CAMTA1: variants seen among roughly 807,000 people sequenced by gnomAD.
CAMTA1 encodes calmodulin-binding transcription activator 1.
CAMTA1 carries 27 observed loss-of-function variants against 170.9 expected under a neutral mutation model. That is an observed-to-expected ratio of 0.16 (90% CI 0.12 to 0.22). CAMTA1 has a LOEUF of 0.22. CAMTA1 is among the 10% of genes least tolerant of loss of function. The pLI is 1.00. For synonymous variants in CAMTA1, 833 were observed against 891.5 expected (o/e 0.93, Z 1.17); for missense variants, 1,619 against 2,217.2 (o/e 0.73, Z 5.42).
At chr1:6,939,458 G>A (rs1686038757) in intron 3 of CAMTA1, among the ~76,000 whole-genome samples, 1 of 152,216 alleles carries the variant, frequency 6.6e-6, no homozygotes, top group Non-Finnish European at 1.5e-5. Flanking sequence ...CATTGATAAT[G>A]TGTGGACAGG....
intron 6 of CAMTA1, among the ~76,000 whole-genome samples, chr1:7,526,246 A>C (rs1348691613): frequency 2.6e-5 from 4 of 151,940 alleles, no homozygotes; most frequent in Non-Finnish European, 4.4e-5. Context: ...TTCCCACCCC[A>C]GGGGCTCCAG....
Position 7,680,926 on chromosome 1 carries a change from C to T in CAMTA1, c.2914+3193C>T, listed in dbSNP as rs2096197478. ...TGTCCCCGCGGCGCAGCCTTTGTCC[C>T]CGCGGCGTAGCTTTTGTTTGCGCAG... On this transcript the variant is annotated intron_variant, in intron 11 of 22. Coordinates refer to ENST00000303635, the MANE Select transcript of CAMTA1 (RefSeq NM_015215.4). The surrounding 1 kb of genome is among the most constrained non-coding windows in gnomAD (Gnocchi z 4.4). Among the ~76,000 whole-genome samples, 1 of 147,630 alleles carries T rather than the reference C, an allele frequency of 6.8e-6. No homozygotes were observed. The highest frequency in any genetic ancestry group is 1.5e-5 in the Non-Finnish European group (1 of 65,810).
At position 7,736,698 on chromosome 1, in the gene CAMTA1, A is replaced by G. The variant is rs1006133823; in HGVS notation, c.3263+158A>G. 1.3e-5 allele frequency among the ~76,000 whole-genome samples: 2 copies of G among 152,174 alleles called. No individual in the cohort carries two copies. Among genetic ancestry groups the G allele is most frequent in the Non-Finnish European group, 2.9e-5 (2 of 68,022 alleles). On this transcript the variant is annotated intron_variant, in intron 13 of 22. Coordinates refer to ENST00000303635, the MANE Select transcript of CAMTA1 (RefSeq NM_015215.4). This position sits in a 1 kb window ranked among gnomAD's most constrained non-coding sequence, Gnocchi z 4.5. ...CTTGGACAGTTTCCAAGGGAGTTTT[A>G]TAAACTTCTTCCCAAGAAATACCCA...
At chr1:7,751,440 C>G in intron 20 of CAMTA1, 48 bp downstream of exon 20, 1 of 1,477,728 alleles carries the variant, frequency 6.8e-7, no homozygotes, top group East Asian at 2.3e-5. Flanking sequence ...GGGAAGAGAA[C>G]TCTGACTTCT....
At chr1:7,702,982 CACAG>C (rs1241613023) in intron 11 of CAMTA1, among the ~76,000 whole-genome samples, 1 of 152,162 alleles carries the variant, frequency 6.6e-6, no homozygotes, top group Non-Finnish European at 1.5e-5. Context: ...GATATGAAGG[CACAG>C]ACAGTGGAGC....
At chr1:6,809,767 G>T (rs747080424) in intron 1 of CAMTA1, among the ~76,000 whole-genome samples, 5 of 152,232 alleles carry the variant, frequency 3.3e-5, no homozygotes, top group Non-Finnish European at 7.4e-5. Context: ...GGTCGGAGAG[G>T]TAAGGGAACA....
intron 5 of CAMTA1, among the ~76,000 whole-genome samples, chr1:7,449,786 A>AAG (rs1261847902): frequency 1.3e-5 from 2 of 149,452 alleles, no homozygotes; most frequent in Non-Finnish European, 3.0e-5. Context: ...AAAAAAAAAA[A>AAG]AAGAAAGAAA....
At chr1:7,201,192 G>A (rs1025830224) in intron 4 of CAMTA1, among the ~76,000 whole-genome samples, 5 of 152,114 alleles carry the variant, frequency 3.3e-5, no homozygotes, top group African/African-American at 1.2e-4. Context: ...TTAGCATCAT[G>A]TTTTTAAGGT....
intron 3 of CAMTA1, among the ~76,000 whole-genome samples, chr1:6,862,840 CTCTTT>C (rs1665250493): frequency 6.6e-6 from 1 of 152,184 alleles, no homozygotes; most frequent in African/African-American, 2.4e-5. Context: ...TAGAGCGAGG[CTCTTT>C]TCTTTTCCCT....
In CAMTA1 at chr1:7,766,582, C is replaced by A; in HGVS notation, c.*91C>A. 2 of 980,446 alleles carry A rather than the reference C, an allele frequency of 2.0e-6. No homozygotes were observed. Among genetic ancestry groups the A allele is most frequent in the Non-Finnish European group, 3.3e-6 (2 of 609,916 alleles). The allele number at this position is 980,446 out of a possible 1,614,324, so 60.7% of individuals were successfully genotyped here. ...AGCAGAGACATGCAACAACAACACA[C>A]ACGCACACACGCACACACACACACG... On this transcript the variant is annotated 3_prime_UTR_variant, in exon 23 of 23. Transcript: ENST00000303635.
intron 7 of CAMTA1, among the ~76,000 whole-genome samples, chr1:7,652,114 G>A (rs2095852155): frequency 6.7e-6 from 1 of 149,722 alleles, no homozygotes; most frequent in African/African-American, 2.5e-5. Context: ...CACACATCCT[G>A]TACCGTCTGG....
chr1:7,075,958 C>T (rs1393288711), intron 3 of CAMTA1, among the ~76,000 whole-genome samples: 7 of 152,264 alleles, frequency 4.6e-5, no homozygotes, highest in East Asian at 3.9e-4. Context: ...CCACCACGCC[C>T]GGCCCAATCT....
intron 4 of CAMTA1, among the ~76,000 whole-genome samples, chr1:7,235,639 A>C (rs762975053): frequency 6.6e-6 from 1 of 152,180 alleles, no homozygotes; most frequent in Admixed American, 6.5e-5. Context: ...AAAAGAAAAG[A>C]AAAATGAAAG....
intron 6 of CAMTA1, among the ~76,000 whole-genome samples, chr1:7,604,160 G>C (rs11585074): frequency 0.13 from 20,453 of 152,104 alleles, 1,490 homozygotes; most frequent in African/African-American, 0.15. Context: ...AATTATGTGT[G>C]TTGGAGTTGC....
intron 5 of CAMTA1, among the ~76,000 whole-genome samples, chr1:7,428,265 C>A (rs1012367405): frequency 6.6e-6 from 1 of 152,114 alleles, no homozygotes; most frequent in Non-Finnish European, 1.5e-5. Context: ...GAGGGGAAGA[C>A]CTCGTCGGGC....
chr1:7,628,785 CT>C (rs1270184311), intron 6 of CAMTA1, among the ~76,000 whole-genome samples: 1 of 152,270 alleles, frequency 6.6e-6, no homozygotes, highest in African/African-American at 2.4e-5. Context: ...GGCAGCAGGC[CT>C]GGCTTCCAGC....
intron 4 of CAMTA1, among the ~76,000 whole-genome samples, chr1:7,140,978 C>T (rs189101879): frequency 7.2e-5 from 11 of 152,086 alleles, no homozygotes; most frequent in African/African-American, 2.7e-4. Flanking sequence ...TTCTGTCTAC[C>T]GACAGAAGAT....
chr1:7,589,327 T>C (rs6704491), intron 6 of CAMTA1, among the ~76,000 whole-genome samples: 33,593 of 152,184 alleles, frequency 0.22, 5,454 homozygotes, highest in African/African-American at 0.46. Flanking sequence ...CCCCGGCCGC[T>C]GTGGCAGGGT....
chr1:6,930,045 C>A lies in CAMTA1; in HGVS notation c.234+104835C>A, dbSNP rs569287596. On this transcript the variant is annotated intron_variant, in intron 3 of 22. Coordinates refer to ENST00000303635, the MANE Select transcript of CAMTA1 (RefSeq NM_015215.4). The stretch of plus-strand genomic sequence containing the variant: ...CGGGACATGGTGTTTTAGGATGAGC[C>A]TTTGCACCAGGCTGTAAATGCTGTG... Among the ~76,000 whole-genome samples, 71 of 152,304 alleles carry A rather than the reference C, an allele frequency of 4.7e-4. 1 individual carries two copies. Among genetic ancestry groups the A allele is most frequent in the African/African-American group, 1.7e-3 (70 of 41,570 alleles).
Sources: allele counts gnomAD v4.1 joint callset (sites outside exome capture counted in the v4.1 genomes callset), GRCh38; gene constraint gnomAD v4.1.1; non-coding constraint Gnocchi (gnomAD v3.1); transcripts MANE v1.5; gene names NCBI Gene and HGNC (gene_info 2026-07-23, HGNC 2026-07-21).